The following WDR59 variants were observed in gnomAD, a reference collection of about 807,000 sequenced individuals.
WDR59 encodes the protein WD repeat domain 59, also known as GATOR2 complex protein WDR59.
Under a neutral mutation model 131.2 loss-of-function variants are expected in WDR59, and 100 were observed. That is an observed-to-expected ratio of 0.76 (90% CI 0.65 to 0.90). The LOEUF is 0.90. Among genes scored for constraint, WDR59 ranks in the 40% least tolerant of loss-of-function variants. The pLI is 0.00. For synonymous variants in WDR59, 601 were observed against 466.2 expected (o/e 1.29, Z -3.72); for missense variants, 1,203 against 1,262.2 (o/e 0.95, Z 0.71).
At chr16:74,904,221 A>G (rs1177671454) in intron 17 of WDR59, 121 bp from the exon 18 acceptor site, 9 of 1,241,200 alleles carry the variant, frequency 7.3e-6, no homozygotes, top group Non-Finnish European at 8.9e-6. Flanking sequence ...AAACTCCAGA[A>G]AAAGAAGTCA....
intron 1 of WDR59, among the ~76,000 whole-genome samples, chr16:74,981,652 A>ATTTTT (rs1567450950): frequency 1.3e-4 from 1 of 7,718 alleles, no homozygotes; most frequent in Non-Finnish European, 7.2e-4. Context: ...ATATATATAT[A>ATTTTT]TATATATATT....
At position 74,916,220 on chromosome 16, in the gene WDR59, T is replaced by C. The variant is rs1160485904; in HGVS notation, c.1006A>G (p.Ile336Val). 2 of 1,614,148 alleles carry C rather than the reference T, an allele frequency of 1.2e-6. No homozygotes were observed. The highest frequency in any genetic ancestry group is 1.3e-5 in the African/African-American group (1 of 75,044). Residue 336 changes from isoleucine to valine, a missense_variant, in exon 12 of 26, where the codon ATT becomes GTT. Ile to Val is a conservative substitution (Grantham distance 29). Transcript: ENST00000262144. Reference sequence around the variant, plus strand: ...TCCGGCAGAAGGGAAATACTCTCAATGAACTCATCAACACCATCTAATATG... The same window carrying C: ...TCCGGCAGAAGGGAAATACTCTCAACGAACTCATCAACACCATCTAATATG... Reference protein sequence around the residue: ...NDILDGVDEFIESISLLPEPE... With the variant: ...NDILDGVDEFVESISLLPEPE...
intron 13 of WDR59, 36 bp from the exon 14 acceptor site, chr16:74,912,398 A>C: frequency 6.3e-7 from 1 of 1,596,954 alleles, no homozygotes; most frequent in Non-Finnish European, 8.6e-7. Flanking sequence ...TGTAGAAACA[A>C]ACCATAAAGC....
In WDR59 at chr16:74,965,873, A is replaced by G. The variant is rs367613831; in HGVS notation, c.55-51T>C. On this transcript the variant is annotated intron_variant, in intron 1 of 25. Transcript: ENST00000262144. ...GCTGCCAGCAAACCCAGCCGGGGAT[A>G]GAAGGCAGAGGTCTCTGTGGCTCTT... 5.0e-6 allele frequency: 8 copies of G among 1,603,432 alleles called. No individual in the cohort carries two copies. The African/African-American group carries it at 5.4e-5, about 11-fold the overall frequency.
intron 6 of WDR59, among the ~76,000 whole-genome samples, chr16:74,947,468 T>C (rs1318993625): frequency 2.0e-5 from 3 of 151,980 alleles, no homozygotes; most frequent in Non-Finnish European, 4.4e-5. Context: ...TTTAATAAAC[T>C]ACAGGAAAAG....
At chr16:74,977,619 C>T (rs369729368) in intron 1 of WDR59, among the ~76,000 whole-genome samples, 2 of 151,994 alleles carry the variant, frequency 1.3e-5, no homozygotes, top group African/African-American at 4.8e-5. Context: ...ACCCGGGAGG[C>T]GGAGCTTGCA....
At chr16:74,914,207 C>T (rs1268492970) in intron 13 of WDR59, among the ~76,000 whole-genome samples, 1 of 151,812 alleles carries the variant, frequency 6.6e-6, no homozygotes, top group Non-Finnish European at 1.5e-5. Flanking sequence ...AGCAAGGCTC[C>T]ATCTCAATAA....
At chr16:74,917,879 C>T in intron 11 of WDR59, 50 bp downstream of exon 11, 5 of 1,410,862 alleles carry the variant, frequency 3.5e-6, no homozygotes, top group Non-Finnish European at 5.0e-6. Flanking sequence ...GAATCTTACA[C>T]TTTTTGGTGG....
chr16:74,960,436 A>C (rs776952047), intron 2 of WDR59, among the ~76,000 whole-genome samples: 5 of 151,746 alleles, frequency 3.3e-5, no homozygotes, highest in Non-Finnish European at 7.4e-5. Flanking sequence ...TAGGAATTCC[A>C]ACAAGAAAGA....
At chr16:74,943,526 A>G (rs2032391969) in intron 6 of WDR59, among the ~76,000 whole-genome samples, 1 of 152,192 alleles carries the variant, frequency 6.6e-6, no homozygotes. Flanking sequence ...AGGAGGCATA[A>G]TGTGAGATGC....
intron 18 of WDR59, among the ~76,000 whole-genome samples, chr16:74,903,205 A>C (rs1965634266): frequency 6.6e-6 from 1 of 152,244 alleles, no homozygotes; most frequent in African/African-American, 2.4e-5. Flanking sequence ...GAGAGATAAC[A>C]ACAAAGAATT....
chr16:74,946,448 G>T (rs1016663957), intron 6 of WDR59, among the ~76,000 whole-genome samples: 3 of 152,122 alleles, frequency 2.0e-5, no homozygotes, highest in Non-Finnish European at 4.4e-5. Flanking sequence ...CTGCCCGGGT[G>T]TGGTGGCTCC....
At chr16:74,952,445 C>CAAAAAAAAAAAAAAAAA (rs61448932) in intron 3 of WDR59, among the ~76,000 whole-genome samples, 17 of 62,578 alleles carry the variant, frequency 2.7e-4, no homozygotes, top group South Asian at 7.0e-4. Context: ...CCATCTCAAA[C>CAAAAAAAAAAAAAAAAA]AAAAAAAAAA....
At chr16:74,892,683 A>G in intron 19 of WDR59, 118 bp from the exon 20 acceptor site, 1 of 871,736 alleles carries the variant, frequency 1.1e-6, no homozygotes. Flanking sequence ...AAAATGTTTT[A>G]TTCCGCGTTG....
At chr16:74,885,074 G>A (rs761391891) in intron 25 of WDR59, among the ~76,000 whole-genome samples, 2 of 152,174 alleles carry the variant, frequency 1.3e-5, no homozygotes, top group African/African-American at 2.4e-5. Context: ...AAGAGGAGTC[G>A]GACACACAGT....
At chr16:74,978,761 T>C (rs558621841) in intron 1 of WDR59, among the ~76,000 whole-genome samples, 2 of 152,208 alleles carry the variant, frequency 1.3e-5, no homozygotes, top group South Asian at 4.1e-4. Flanking sequence ...TTTTTTTTTT[T>C]AATCACTCTG....
intron 25 of WDR59, among the ~76,000 whole-genome samples, chr16:74,876,314 G>T (rs909526950): frequency 6.6e-6 from 1 of 152,076 alleles, no homozygotes; most frequent in South Asian, 2.1e-4. Flanking sequence ...TTTATATTAT[G>T]TACAAACTTT....
intron 5 of WDR59, among the ~76,000 whole-genome samples, 198 bp from the exon 6 acceptor site, chr16:74,948,754 C>G (rs910363377): frequency 6.6e-6 from 1 of 152,108 alleles, no homozygotes; most frequent in Non-Finnish European, 1.5e-5. Context: ...GTAATTCCAG[C>G]ACTTCAGGAG....
intron 18 of WDR59, 115 bp from the exon 19 acceptor site, chr16:74,893,927 A>C: frequency 8.7e-7 from 1 of 1,143,734 alleles, no homozygotes. Flanking sequence ...AAATTACATC[A>C]TGCCCACAAT....
Sources: allele counts gnomAD v4.1 joint callset (sites outside exome capture counted in the v4.1 genomes callset), GRCh38; gene constraint gnomAD v4.1.1; transcripts MANE v1.5; gene names NCBI Gene and HGNC (gene_info 2026-07-23, HGNC 2026-07-21).